The following NEK1 variants were observed in gnomAD, a reference collection of about 807,000 sequenced individuals.
NEK1 encodes serine/threonine-protein kinase Nek1.
In NEK1, 137 loss-of-function variants were observed where a neutral mutation model predicts 182.1. That is an observed-to-expected ratio of 0.75 (90% CI 0.65 to 0.87). NEK1 has a LOEUF of 0.87. Ranked by LOEUF, NEK1 falls within the 40% of genes least tolerant of loss-of-function variation. The pLI is 0.00. For synonymous variants in NEK1, 513 were observed against 492.2 expected (o/e 1.04, Z -0.56); for missense variants, 1,391 against 1,494.4 (o/e 0.93, Z 1.14).
intron 27 of NEK1, among the ~76,000 whole-genome samples, chr4:169,447,477 T>A (rs1327721004): frequency 1.3e-5 from 2 of 152,132 alleles, no homozygotes; most frequent in African/African-American, 4.8e-5. Flanking sequence ...AGGTGTAAAA[T>A]TCACCAGTAA....
intron 31 of NEK1, among the ~76,000 whole-genome samples, chr4:169,422,545 C>T (rs1275055204): frequency 6.6e-6 from 1 of 152,168 alleles, no homozygotes; most frequent in African/African-American, 2.4e-5. Flanking sequence ...GAGTTTTAAA[C>T]ATGCTTATAA....
rs553932510 is a variant in NEK1, at chr4:169,484,354, C to T, written c.2008-4820G>A. 1.4e-4 allele frequency among the ~76,000 whole-genome samples: 21 copies of T among 152,186 alleles called. 1 individual carries two copies. In the South Asian group the frequency reaches 1.5e-3, roughly 11 times the overall value. Reference sequence around the variant, plus strand: ...AGCCACCGCGTTTGGCCTGCTATTTCGATACATCAATCTGACACGATTTCT... The same window carrying T: ...AGCCACCGCGTTTGGCCTGCTATTTTGATACATCAATCTGACACGATTTCT... On this transcript the variant is annotated intron_variant, in intron 23 of 35. Transcript: ENST00000507142.
chr4:169,465,465 T>C (rs541196365), intron 26 of NEK1, among the ~76,000 whole-genome samples: 2 of 152,142 alleles, frequency 1.3e-5, no homozygotes, highest in East Asian at 3.9e-4. Context: ...ACTGAAGTAA[T>C]ACGTTTCACA....
rs1373922910 is a variant in NEK1, at chr4:169,561,723, C to T, written c.1155G>A (p.Met385Ile). 6.3e-7 allele frequency: 1 copy of T among 1,574,844 alleles called. No individual in the cohort carries two copies. The highest frequency in any genetic ancestry group is 1.4e-5 in the African/African-American group (1 of 73,912). ...KKQKDQIISLMKAEQMKRQEK... is the reference protein window; with the variant it reads ...KKQKDQIISLIKAEQMKRQEK... Reference sequence around the variant, plus strand: ...CTTGCCTTTTCATTTGTTCAGCCTTCATTAAACTAATAATCTGTAACAATT... The same window carrying T: ...CTTGCCTTTTCATTTGTTCAGCCTTTATTAAACTAATAATCTGTAACAATT... The change falls in exon 15 of 36, where the codon ATG becomes ATA. Residue 385 changes from methionine (M) to isoleucine (I), a missense_variant. Coordinates refer to ENST00000507142, the MANE Select transcript of NEK1 (RefSeq NM_001199397.3).
chr4:169,576,925 T>C lies in NEK1; in HGVS notation c.1020+3A>G. On this transcript the variant is annotated splice_donor_region_variant and intron_variant, in intron 12 of 35. Coordinates refer to ENST00000507142, the MANE Select transcript of NEK1 (RefSeq NM_001199397.3). ...TAACACATGGTATGTAACATGATCA[T>C]ACCTGTTTATGTTTTTGCAGTGGTT... 6.3e-7 allele frequency: 1 copy of C among 1,594,328 alleles called. No homozygotes were observed. Among genetic ancestry groups the C allele is most frequent in the Non-Finnish European group, 8.5e-7 (1 of 1,169,818 alleles).
chr4:169,469,290 C>T (rs1745496802), intron 26 of NEK1, among the ~76,000 whole-genome samples: 1 of 152,152 alleles, frequency 6.6e-6, no homozygotes, highest in Admixed American at 6.5e-5. Flanking sequence ...ACTGCTTTAG[C>T]TGTGTCCCAG....
In NEK1 at chr4:169,532,219, C is replaced by G. The variant is rs1188032044; in HGVS notation, c.1665+5590G>C. 3.3e-5 allele frequency among the ~76,000 whole-genome samples: 5 copies of G among 152,174 alleles called. No homozygotes were observed. In the South Asian group the frequency reaches 8.3e-4, roughly 25 times the overall value. On this transcript the variant is annotated intron_variant, in intron 19 of 35. Transcript: ENST00000507142. ...TTGTCAATACTCATTGAGATATACA[C>G]TTAGAATTTTATTGCATTTAAATTA...
intron 32 of NEK1, among the ~76,000 whole-genome samples, chr4:169,406,299 C>T (rs553746790): frequency 3.1e-4 from 47 of 151,926 alleles, no homozygotes; most frequent in Middle Eastern, 3.4e-3. Context: ...GACATAAAAG[C>T]AGAGGTTAAT....
chr4:169,550,559 C>T (rs1235314593), intron 18 of NEK1, among the ~76,000 whole-genome samples: 2 of 152,156 alleles, frequency 1.3e-5, no homozygotes, highest in Non-Finnish European at 2.9e-5. Flanking sequence ...AATAATAATT[C>T]CTGCCTCACA....
intron 10 of NEK1, among the ~76,000 whole-genome samples, chr4:169,583,659 C>G (rs1018204416): frequency 1.3e-5 from 2 of 152,166 alleles, no homozygotes; most frequent in Non-Finnish European, 2.9e-5. Context: ...GAGAAAGAAA[C>G]CTCAGCAAGA....
At chr4:169,445,264 A>G (rs1740288850) in intron 27 of NEK1, among the ~76,000 whole-genome samples, 1 of 152,032 alleles carries the variant, frequency 6.6e-6, no homozygotes, top group African/African-American at 2.4e-5. Context: ...ACTGAAACAA[A>G]AACAAAAACA....
chr4:169,443,589 G>A (rs1739947951), intron 27 of NEK1, among the ~76,000 whole-genome samples: 1 of 151,764 alleles, frequency 6.6e-6, no homozygotes, highest in Non-Finnish European at 1.5e-5. Flanking sequence ...AAAAAGAGAT[G>A]GGCAAGGACA....
chr4:169,404,147 T>C (rs903157171), intron 32 of NEK1, among the ~76,000 whole-genome samples: 1 of 152,126 alleles, frequency 6.6e-6, no homozygotes, highest in Non-Finnish European at 1.5e-5. Flanking sequence ...AATGATTTCA[T>C]AAAATTTTTG....
rs895209975 is a variant in NEK1 at position 169,612,559 on chromosome 4, G to A, written c.-510C>T. 1 of 152,128 alleles carries A rather than the reference G, an allele frequency of 6.6e-6. No individual in the cohort carries two copies. Among genetic ancestry groups the A allele is most frequent in the Non-Finnish European group, 1.5e-5 (1 of 68,080 alleles). 9.4% of individuals were successfully genotyped at this position (152,128 alleles called of 1,614,324 possible). On this transcript the variant is annotated 5_prime_UTR_variant, in exon 1 of 36. Transcript: ENST00000507142. Reference sequence around the variant, plus strand: ...GTAGGGTAAGGACTCCGCAACCTAGGGTCCCAAAACCCTGGAGCGAATGCG... The same window carrying A: ...GTAGGGTAAGGACTCCGCAACCTAGAGTCCCAAAACCCTGGAGCGAATGCG...
chr4:169,598,451 A>T (rs1420072496), intron 5 of NEK1, among the ~76,000 whole-genome samples: 1 of 148,638 alleles, frequency 6.7e-6, no homozygotes, highest in Non-Finnish European at 1.5e-5. Flanking sequence ...AACTGAGCTT[A>T]AAAAAAAAAG....
chr4:169,505,764 T>G (rs1221053211), intron 23 of NEK1, among the ~76,000 whole-genome samples: 1 of 152,128 alleles, frequency 6.6e-6, no homozygotes, highest in Non-Finnish European at 1.5e-5. Flanking sequence ...GAAAATTAAC[T>G]TAAAATTGGC....
At chr4:169,454,567 C>T (rs1242304341) in intron 27 of NEK1, among the ~76,000 whole-genome samples, 1 of 152,158 alleles carries the variant, frequency 6.6e-6, no homozygotes, top group East Asian at 1.9e-4. Flanking sequence ...GGCCAACAAA[C>T]ATATGAAAAA....
At chr4:169,467,241 C>G (rs568531444) in intron 26 of NEK1, among the ~76,000 whole-genome samples, 1 of 152,150 alleles carries the variant, frequency 6.6e-6, no homozygotes, top group South Asian at 2.1e-4. Flanking sequence ...TAGGCTATTA[C>G]TAGTTAAATT....
chr4:169,541,216 C>T (rs758181283), intron 18 of NEK1, among the ~76,000 whole-genome samples: 7 of 151,886 alleles, frequency 4.6e-5, no homozygotes, highest in Admixed American at 1.3e-4. Flanking sequence ...AGGGGCATGT[C>T]GATGTAATGG....
Sources: gnomAD v4.1 joint callset for allele counts (sites outside exome capture counted in the v4.1 genomes callset) on GRCh38, gnomAD v4.1.1 for gene constraint, MANE v1.5 for transcripts, NCBI Gene and HGNC (gene_info 2026-07-23, HGNC 2026-07-21) for gene names.